The following AATK variants were observed in gnomAD, a reference collection of about 807,000 sequenced individuals.
AATK encodes serine/threonine-protein kinase LMTK1.
Under a neutral mutation model 114.3 loss-of-function variants are expected in AATK, and 91 were observed. The ratio of observed to expected loss-of-function variants is 0.80; its 90% CI spans 0.67 to 0.95. The LOEUF (loss-of-function observed/expected upper bound fraction) is 0.95. AATK is among the 40% of genes least tolerant of loss of function. AATK has a pLI of 0.00. For missense variants in AATK, 2,176 were observed against 1,965.2 expected (o/e 1.11, Z -2.03); for synonymous variants, 1,075 against 916.5 (o/e 1.17, Z -3.12).
At chr17:81,145,283 T>C (rs923487761) in intron 1 of AATK, among the ~76,000 whole-genome samples, 5 of 149,534 alleles carry the variant, frequency 3.3e-5, no homozygotes, top group Non-Finnish European at 5.9e-5. Context: ...AAAAATAGCC[T>C]GACTGCATAA....
intron 1 of AATK, chr17:81,136,026 T>C (rs2061004247): frequency 6.6e-6 from 1 of 152,194 alleles, no homozygotes; most frequent in South Asian, 2.1e-4. Flanking sequence ...CCCCGCTGTG[T>C]TCTCATACCC....
chr17:81,120,418 T>A lies in AATK; in HGVS notation c.3518A>T (p.Glu1173Val). 1 of 1,585,054 alleles carries A rather than the reference T, an allele frequency of 6.3e-7. No homozygotes were observed. Among genetic ancestry groups the A allele is most frequent in the South Asian group, 1.1e-5 (1 of 88,258 alleles). ...CTGGACGCTGTAGCAGCGGAGCTCC[T>A]CGTCAGACTCGTCGCTGTCCTCACT... ...EDSEDSDESD[E>V]ELRCYSVQEP... Residue 1173 changes from glutamate to valine, a missense_variant, in exon 11 of 14, where the codon GAG (glutamate) becomes GTG (valine). Physicochemically the swap from Glu to Val is moderately radical, Grantham distance 121 (BLOSUM62 -2). Transcript: ENST00000326724.
chr17:81,139,944 CAT>C (rs747962229), intron 1 of AATK, among the ~76,000 whole-genome samples: 6 of 152,222 alleles, frequency 3.9e-5, no homozygotes, highest in Non-Finnish European at 7.3e-5. Flanking sequence ...TGTCACAGCC[CAT>C]GAGTCCTCTG....
At chr17:81,140,972 CCGTGGGGA>C (rs1233236412) in intron 1 of AATK, among the ~76,000 whole-genome samples, 2 of 138,568 alleles carry the variant, frequency 1.4e-5, no homozygotes, top group Non-Finnish European at 3.1e-5. Context: ...AGCCGTGGGG[CCGTGGGGA>C]CTGTGAACTG....
At chr17:81,153,081 A>T (rs1047258843) in intron 1 of AATK, among the ~76,000 whole-genome samples, 1 of 152,148 alleles carries the variant, frequency 6.6e-6, no homozygotes, top group African/African-American at 2.4e-5. Context: ...ACCTCAGGTG[A>T]TCCGCCTGCC....
intron 1 of AATK, among the ~76,000 whole-genome samples, chr17:81,158,175 C>T (rs1051816067): frequency 4.6e-5 from 7 of 152,216 alleles, no homozygotes; most frequent in East Asian, 3.9e-4. Context: ...CAGTCTGACG[C>T]GCTAGTTCAG....
chr17:81,149,116 C>T (rs998567396), intron 1 of AATK, among the ~76,000 whole-genome samples: 3 of 152,152 alleles, frequency 2.0e-5, no homozygotes, highest in Non-Finnish European at 2.9e-5. Context: ...AGCTGCATTC[C>T]GGGGCCGGGG....
At chr17:81,138,196 C>A (rs2061050014) in intron 1 of AATK, among the ~76,000 whole-genome samples, 1 of 151,074 alleles carries the variant, frequency 6.6e-6, no homozygotes, top group African/African-American at 2.4e-5. Context: ...CGTGCACACA[C>A]ACACACACCC....
In AATK at chr17:81,139,254, C is replaced by T. The variant is rs370186474; in HGVS notation, c.56-4753G>A. ...GCCCTGCTCCAGATGCCATGCCTGC[C>T]CCTCCACAAGCCACGTGGGAGGCCC... On this transcript the variant is annotated intron_variant, in intron 1 of 13. Transcript: ENST00000326724. Among the ~76,000 whole-genome samples the T allele has an allele frequency of 4.6e-5, 7 of 152,326 alleles. No individual in the cohort carries two copies. In the East Asian group the frequency reaches 9.6e-4, roughly 21 times the overall value.
At position 81,156,098 on chromosome 17, in the gene AATK, GTATGTTACAATGTATGTTAC is replaced by G. The variant is rs1167564137; in HGVS notation, c.55+9820_55+9839del. Among the ~76,000 whole-genome samples, 75 of 109,126 alleles carry G rather than the reference GTATGTTACAATGTATGTTAC, an allele frequency of 6.9e-4. 1 individual carries two copies. The highest frequency in any genetic ancestry group is 1.3e-3 in the African/African-American group (25 of 19,098). The allele number at this position is 109,126 out of a possible 152,430, so 71.6% of individuals were successfully genotyped here. ...ACTATGTTACAATGTATGTTACAATGTATGTTACAATGTATGTTACTATGTTACAATGTATGTTACTATGT... is the reference window on the plus strand; with the variant it reads ...ACTATGTTACAATGTATGTTACAATGTATGTTACAATGTATGTTACTATGT... On this transcript the variant is annotated intron_variant, in intron 1 of 13. Transcript: ENST00000326724.
At position 81,166,186 on chromosome 17, in the gene AATK, C is replaced by A. The variant is rs975405763; in HGVS notation, c.-194G>T. Reference sequence around the variant, plus strand: ...GCGGCGACAGACGAGGCGCTCCGCCCGGCCCTGGCGCCGCGGGGCTCCGCT... The same window carrying A: ...GCGGCGACAGACGAGGCGCTCCGCCAGGCCCTGGCGCCGCGGGGCTCCGCT... On this transcript the variant is annotated 5_prime_UTR_variant, in exon 1 of 14. Transcript: ENST00000326724. The A allele has an allele frequency of 4.7e-4, 78 of 165,298 alleles. No homozygotes were observed. The highest frequency in any genetic ancestry group is 1.8e-3 in the African/African-American group (71 of 39,406). The allele number at this position is 165,298 out of a possible 1,614,324, so 10.2% of individuals were successfully genotyped here. A position where few individuals can be genotyped will look rare whatever the true frequency, so the allele number is the denominator to read the frequency against.
chr17:81,136,625 G>A (rs963364033), intron 1 of AATK, among the ~76,000 whole-genome samples: 5 of 152,206 alleles, frequency 3.3e-5, no homozygotes, highest in Admixed American at 6.5e-5. Flanking sequence ...CTCCCCTCTA[G>A]AAGGCCCAGG....
chr17:81,165,630 C>G (rs889885789), intron 1 of AATK: 1 of 1,460,550 alleles, frequency 6.8e-7, no homozygotes, highest in African/African-American at 1.4e-5. Flanking sequence ...TAGTCTGAGA[C>G]CAACTCTCCT....
intron 1 of AATK, among the ~76,000 whole-genome samples, chr17:81,148,728 GCT>G (rs1426095344): frequency 6.6e-6 from 1 of 152,240 alleles, no homozygotes; most frequent in South Asian, 2.1e-4. Flanking sequence ...ACACACACGT[GCT>G]CTCAGACACA....
chr17:81,118,843 A>G (rs1439413417), intron 13 of AATK, among the ~76,000 whole-genome samples: 1 of 152,184 alleles, frequency 6.6e-6, no homozygotes, highest in Non-Finnish European at 1.5e-5. Context: ...GGAAGCTGGC[A>G]GGGGGCCTTC....
At chr17:81,165,443 T>C in intron 1 of AATK, 1 of 354,608 alleles carries the variant, frequency 2.8e-6, no homozygotes, top group South Asian at 2.2e-5. Flanking sequence ...GGCTCTGTAA[T>C]GTGGACTGGC....
At chr17:81,130,718 TG>T (rs1266014663) in intron 3 of AATK, among the ~76,000 whole-genome samples, 1 of 151,902 alleles carries the variant, frequency 6.6e-6, no homozygotes, top group Non-Finnish European at 1.5e-5. Flanking sequence ...CCCGCACCCC[TG>T]CCCCAGTGCC....
At chr17:81,144,156 G>A (rs2061182002) in intron 1 of AATK, among the ~76,000 whole-genome samples, 1 of 152,186 alleles carries the variant, frequency 6.6e-6, no homozygotes, top group African/African-American at 2.4e-5. Context: ...CCCTCCCCGA[G>A]GCAGCCTCTT....
chr17:81,143,842 C>T (rs375824429), intron 1 of AATK, among the ~76,000 whole-genome samples: 11 of 152,246 alleles, frequency 7.2e-5, no homozygotes, highest in Non-Finnish European at 1.0e-4. Context: ...GCTCACCCGT[C>T]GGGTGTGCCT....
Sources: allele counts gnomAD v4.1 joint callset (sites outside exome capture counted in the v4.1 genomes callset), GRCh38; gene constraint gnomAD v4.1.1; transcripts MANE v1.5; gene names NCBI Gene and HGNC (gene_info 2026-07-23, HGNC 2026-07-21).